The following PPARGC1A variants were observed in gnomAD, a reference collection of about 807,000 sequenced individuals.
PPARGC1A encodes peroxisome proliferator-activated receptor gamma coactivator 1-alpha.
In PPARGC1A, 25 loss-of-function variants were observed where a neutral mutation model predicts 88.7. That is an observed-to-expected ratio of 0.28 (90% CI 0.21 to 0.39). The LOEUF is 0.39. Among genes scored for constraint, PPARGC1A ranks in the 10% least tolerant of loss-of-function variants. PPARGC1A has a pLI of 1.00. For missense variants in PPARGC1A, 880 were observed against 968.7 expected, an observed-to-expected ratio of 0.91 and a Z score of 1.22; for synonymous variants, 363 against 355.6, an observed-to-expected ratio of 1.02 and a Z score of -0.24.
chr4:23,985,237 C>A, the PPARGC1A span, among the ~76,000 whole-genome samples: 2 of 152,042 alleles, frequency 1.3e-5, no homozygotes, highest in East Asian at 3.9e-4. Flanking sequence ...ACACTCCATT[C>A]ATGACACAGA....
At chr4:24,336,990 G>C in the PPARGC1A span, among the ~76,000 whole-genome samples, 7,228 of 152,216 alleles carry the variant, frequency 0.047, 255 homozygotes, top group Non-Finnish European at 0.069. Context: ...AATTTTCAAT[G>C]GTTTCCTTGG....
intron 2 of PPARGC1A, among the ~76,000 whole-genome samples, chr4:23,853,133 A>G (rs1018632531): frequency 2.0e-5 from 3 of 152,160 alleles, no homozygotes; most frequent in Non-Finnish European, 4.4e-5. Flanking sequence ...ATATTAGAAG[A>G]AGGTTTTCAT....
chr4:24,472,711 C>T, the PPARGC1A span, among the ~76,000 whole-genome samples: 1 of 151,400 alleles, frequency 6.6e-6, no homozygotes, highest in Admixed American at 6.6e-5. The surrounding 1 kb of genome is among the most constrained non-coding windows in gnomAD (Gnocchi z 4.5). Context: ...CAAGACGGTA[C>T]CTAGATAGGT....
At chr4:24,437,690 A>C in the PPARGC1A span, among the ~76,000 whole-genome samples, 1 of 148,414 alleles carries the variant, frequency 6.7e-6, no homozygotes, top group Non-Finnish European at 1.5e-5. Flanking sequence ...TCTTTTCGAG[A>C]TGGAGTTTTG....
chr4:24,303,613 C>T, the PPARGC1A span, among the ~76,000 whole-genome samples: 1 of 152,162 alleles, frequency 6.6e-6, no homozygotes, highest in Non-Finnish European at 1.5e-5. Flanking sequence ...TCAAACAAGC[C>T]TCCATGTCAA....
chr4:24,215,625 CA>C, the PPARGC1A span, among the ~76,000 whole-genome samples: 1,724 of 152,098 alleles, frequency 0.011, 32 homozygotes, highest in African/African-American at 0.04. Flanking sequence ...TAAATGAAGA[CA>C]TTTTAAACCA....
the PPARGC1A span, among the ~76,000 whole-genome samples, chr4:24,195,876 A>C: frequency 6.6e-6 from 1 of 152,206 alleles, no homozygotes; most frequent in African/African-American, 2.4e-5. Flanking sequence ...AATACACTCA[A>C]GCTTTAATCA....
At chr4:23,847,596 G>A (rs1239977271) in intron 2 of PPARGC1A, among the ~76,000 whole-genome samples, 1 of 152,146 alleles carries the variant, frequency 6.6e-6, no homozygotes, top group African/African-American at 2.4e-5. Flanking sequence ...TAAGCAATGA[G>A]TACCTGGGTT....
At chr4:24,437,220 A>G in the PPARGC1A span, among the ~76,000 whole-genome samples, 3 of 152,204 alleles carry the variant, frequency 2.0e-5, no homozygotes, top group Non-Finnish European at 4.4e-5. Context: ...CTCAGGGACC[A>G]CCTCTAGCCC....
At chr4:24,048,831 A>T in the PPARGC1A span, among the ~76,000 whole-genome samples, 105 of 152,244 alleles carry the variant, frequency 6.9e-4, 1 homozygote, top group Admixed American at 3.7e-3. Context: ...CCTCTTTCCA[A>T]CTATTAGTCA....
chr4:24,017,966 T>A, the PPARGC1A span, among the ~76,000 whole-genome samples: 2 of 152,324 alleles, frequency 1.3e-5, no homozygotes, highest in South Asian at 4.1e-4. Flanking sequence ...GTCTTATACA[T>A]GAACACATAT....
the PPARGC1A span, among the ~76,000 whole-genome samples, chr4:24,427,282 A>ATT: frequency 5.2e-4 from 71 of 136,756 alleles, no homozygotes; most frequent in East Asian, 5.5e-3. Context: ...TTCTTTATTT[A>ATT]TTTTTTTTTT....
chr4:23,851,452 C>CG (rs1327069895), intron 2 of PPARGC1A, among the ~76,000 whole-genome samples: 1 of 152,062 alleles, frequency 6.6e-6, no homozygotes, highest in Admixed American at 6.6e-5. Context: ...GAAATGCAGT[C>CG]GATTTCATAG....
the PPARGC1A span, among the ~76,000 whole-genome samples, chr4:24,029,775 A>C: frequency 1.3e-5 from 2 of 152,238 alleles, no homozygotes; most frequent in African/African-American, 4.8e-5. Context: ...CATCGGTAAA[A>C]CCACAGGAAA....
chr4:24,054,202 TAAGGGGAAAAG>T, the PPARGC1A span, among the ~76,000 whole-genome samples: 1 of 151,570 alleles, frequency 6.6e-6, no homozygotes, highest in Non-Finnish European at 1.5e-5. Flanking sequence ...AGAGGTATCC[TAAGGGGAAAAG>T]AAGTGCTCAT....
chr4:24,322,882 G>T, the PPARGC1A span, among the ~76,000 whole-genome samples: 6 of 152,318 alleles, frequency 3.9e-5, no homozygotes, highest in South Asian at 8.3e-4. Context: ...CATGTTGTAA[G>T]CACTGTACAA....
At chr4:24,187,076 A>G in the PPARGC1A span, among the ~76,000 whole-genome samples, 1 of 152,204 alleles carries the variant, frequency 6.6e-6, no homozygotes, top group African/African-American at 2.4e-5. Flanking sequence ...AGGTAACCAG[A>G]TGCCATGAGT....
At chr4:24,022,190 C>G in the PPARGC1A span, among the ~76,000 whole-genome samples, 1 of 152,194 alleles carries the variant, frequency 6.6e-6, no homozygotes, top group Non-Finnish European at 1.5e-5. Flanking sequence ...TTTGCTCTTT[C>G]TGCCTGGCTC....
chr4:23,830,571 A>G (rs372194507), intron 3 of PPARGC1A, among the ~76,000 whole-genome samples: 4 of 152,244 alleles, frequency 2.6e-5, no homozygotes, highest in African/African-American at 7.2e-5. Context: ...TCAAAATCCA[A>G]TGGACTCAAA....
Sources: gnomAD v4.1 joint callset for allele counts (sites outside exome capture counted in the v4.1 genomes callset) on GRCh38, gnomAD v4.1.1 for gene constraint, Gnocchi (gnomAD v3.1) non-coding constraint, MANE v1.5 for transcripts, NCBI Gene and HGNC (gene_info 2026-07-23, HGNC 2026-07-21) for gene names.